Variants in FRMPD1 observed in about 807,000 individuals in gnomAD.
FRMPD1 encodes FERM and PDZ domain containing 1, also known as FERM and PDZ domain-containing protein 1.
FRMPD1 carries 76 observed loss-of-function variants against 117.8 expected under a neutral mutation model. The observed-to-expected ratio is 0.65, with a 90% confidence interval of 0.54 to 0.78. The LOEUF (loss-of-function observed/expected upper bound fraction) is 0.78, where lower values mean the gene tolerates loss of function less well. Ranked by LOEUF, FRMPD1 falls within the 30% of genes least tolerant of loss-of-function variation. The probability of loss-of-function intolerance (pLI) is 0.00; values close to 1 mark genes in which losing one functional copy is unlikely to be tolerated. For synonymous variants in FRMPD1, 783 were observed against 770.4 expected (o/e 1.02, Z -0.27); for missense variants, 1,786 against 1,964.5 (o/e 0.91, Z 1.72).
Position 37,740,387 on chromosome 9 carries a change from G to C in FRMPD1, c.1859G>C (p.Cys620Ser). Residue 620 changes from cysteine (C) to serine (S), a missense_variant, in exon 15 of 16, where the codon TGC becomes TCC. Physicochemically the swap from Cys to Ser is moderately radical, Grantham distance 112 (BLOSUM62 -1). Transcript: ENST00000377765. The surrounding 1 kb of genome is among the most constrained non-coding windows in gnomAD (Gnocchi z 4.2). ...DALEEDDLDT[C>S]SSSRSTFFHF... ...CTGGAAGAGGATGACTTAGACACCT[G>C]CTCCTCCAGCAGGTCCACCTTCTTC... The C allele has an allele frequency of 2.5e-6, 4 of 1,613,904 alleles. No individual in the cohort carries two copies. Among genetic ancestry groups the C allele is most frequent in the Non-Finnish European group, 3.4e-6 (4 of 1,179,970 alleles).
chr9:37,697,580 A>T (rs1822369957), intron 2 of FRMPD1, among the ~76,000 whole-genome samples: 1 of 152,104 alleles, frequency 6.6e-6, no homozygotes, highest in African/African-American at 2.4e-5. Context: ...AAGAAAAAAA[A>T]AAGAAAAGAA....
chr9:37,660,735 G>A (rs938807971), intron 1 of FRMPD1, among the ~76,000 whole-genome samples: 2 of 152,098 alleles, frequency 1.3e-5, no homozygotes, highest in Admixed American at 1.3e-4. Flanking sequence ...TTTCTGCAAG[G>A]CAATACTCCC....
intron 7 of FRMPD1, among the ~76,000 whole-genome samples, chr9:37,727,618 C>T (rs1823667575): frequency 6.6e-6 from 1 of 152,116 alleles, no homozygotes; most frequent in Non-Finnish European, 1.5e-5. Flanking sequence ...TTGGGGCCAG[C>T]ACAATGCCAG....
At position 37,733,732 on chromosome 9, in the gene FRMPD1, A is replaced by G. The variant is rs914540861; in HGVS notation, c.1125A>G (p.Gln375=). Residue 375 remains glutamine (Q), a splice_region_variant and synonymous_variant, in exon 12 of 16, where the codon CAA becomes CAG. Coordinates refer to ENST00000377765, the MANE Select transcript of FRMPD1 (RefSeq NM_014907.3). ...AGTGTTTTTTTTTCTCTATTAAGCAACTTATTTCTGCTGCCCAGCTACGTT... is the reference window on the plus strand; with the variant it reads ...AGTGTTTTTTTTTCTCTATTAAGCAGCTTATTTCTGCTGCCCAGCTACGTT... ...NQNLLEPRQK[Q]LISAAQLRLN... is the part of the protein sequence containing the mutation. 5.6e-6 allele frequency: 9 copies of G among 1,601,584 alleles called. No homozygotes were observed. The highest frequency in any genetic ancestry group is 7.7e-6 in the Non-Finnish European group (9 of 1,168,628).
intron 1 of FRMPD1, among the ~76,000 whole-genome samples, chr9:37,657,092 A>G (rs943366857): frequency 6.6e-6 from 1 of 152,362 alleles, no homozygotes; most frequent in Admixed American, 6.5e-5. Context: ...GCTTCAGAGG[A>G]ATTCATCTGG....
intron 1 of FRMPD1, among the ~76,000 whole-genome samples, chr9:37,681,475 A>G (rs1475225804): frequency 6.6e-6 from 1 of 152,074 alleles, no homozygotes; most frequent in African/African-American, 2.4e-5. Flanking sequence ...TAAGAATGTC[A>G]TTTTCCTGAT....
the FRMPD1 span, among the ~76,000 whole-genome samples, chr9:37,644,753 CT>C: frequency 1.9e-4 from 29 of 152,266 alleles, no homozygotes; most frequent in East Asian, 2.9e-3. Context: ...TCAGTTTCAT[CT>C]GTGAAGTGGG....
intron 12 of FRMPD1, 59 bp downstream of exon 12, chr9:37,733,884 A>C: frequency 1.1e-6 from 1 of 948,548 alleles, no homozygotes; most frequent in Non-Finnish European, 1.7e-6. Context: ...GATCCTCTGA[A>C]AATCAATGTG....
intron 1 of FRMPD1, among the ~76,000 whole-genome samples, chr9:37,673,133 G>A (rs1257599012): frequency 2.0e-5 from 3 of 152,132 alleles, no homozygotes; most frequent in Non-Finnish European, 2.9e-5. Flanking sequence ...AGTCCCTTCT[G>A]CCTATGAGCC....
chr9:37,651,591 A>G (rs1464906249), intron 1 of FRMPD1, among the ~76,000 whole-genome samples: 1 of 152,210 alleles, frequency 6.6e-6, no homozygotes, highest in East Asian at 1.9e-4. Context: ...GTGGAGAGGA[A>G]TGAGCCACAG....
chr9:37,677,297 G>A (rs1821563985), intron 1 of FRMPD1, among the ~76,000 whole-genome samples: 1 of 152,210 alleles, frequency 6.6e-6, no homozygotes, highest in Admixed American at 6.5e-5. Flanking sequence ...GGTTGTTACT[G>A]TTTATTAGTA....
chr9:37,642,679 G>A, the FRMPD1 span, among the ~76,000 whole-genome samples: 1 of 152,170 alleles, frequency 6.6e-6, no homozygotes, highest in South Asian at 2.1e-4. Context: ...TTGCCTGGAA[G>A]CTCATGACAT....
chr9:37,742,416 G>A (rs904223650), intron 15 of FRMPD1, among the ~76,000 whole-genome samples: 7 of 152,160 alleles, frequency 4.6e-5, no homozygotes, highest in Non-Finnish European at 1.0e-4. Context: ...TTTTTATAGG[G>A]AGCCAGTGTA....
At chr9:37,612,414 TC>T in the FRMPD1 span, among the ~76,000 whole-genome samples, 1 of 152,218 alleles carries the variant, frequency 6.6e-6, no homozygotes, top group African/African-American at 2.4e-5. Context: ...AGTGGCGTGA[TC>T]TCGGCTCACT....
chr9:37,649,673 T>G (rs1251742839), upstream of FRMPD1, among the ~76,000 whole-genome samples: 1 of 152,212 alleles, frequency 6.6e-6, no homozygotes, highest in African/African-American at 2.4e-5. Flanking sequence ...AAGGATGCAC[T>G]TGTTAACATC....
At chr9:37,632,634 C>CT in the FRMPD1 span, among the ~76,000 whole-genome samples, 2 of 152,180 alleles carry the variant, frequency 1.3e-5, no homozygotes, top group South Asian at 4.2e-4. Flanking sequence ...GAGAAAAAAC[C>CT]TTTTTGTGAC....
chr9:37,654,049 C>T (rs1820766921), intron 1 of FRMPD1, among the ~76,000 whole-genome samples: 1 of 152,184 alleles, frequency 6.6e-6, no homozygotes, highest in Non-Finnish European at 1.5e-5. Context: ...TACTGTCCTT[C>T]ATTTTTTCAA....
intron 1 of FRMPD1, among the ~76,000 whole-genome samples, chr9:37,683,366 A>G (rs1821796850): frequency 6.6e-6 from 1 of 152,248 alleles, no homozygotes; most frequent in African/African-American, 2.4e-5. Context: ...TATAGTTTTC[A>G]AAGCATTGTC....
At chr9:37,696,781 A>G (rs964065308) in intron 2 of FRMPD1, among the ~76,000 whole-genome samples, 1 of 152,232 alleles carries the variant, frequency 6.6e-6, no homozygotes, top group Non-Finnish European at 1.5e-5. Context: ...TTTTACATGC[A>G]TATTTTAGCA....
Sources: allele counts gnomAD v4.1 joint callset (sites outside exome capture counted in the v4.1 genomes callset), GRCh38; gene constraint gnomAD v4.1.1; non-coding constraint Gnocchi (gnomAD v3.1); transcripts MANE v1.5; gene names NCBI Gene and HGNC (gene_info 2026-07-23, HGNC 2026-07-21).